The following IL1RAPL2 variants were observed in gnomAD, a reference collection of about 807,000 sequenced individuals.
IL1RAPL2 encodes the protein X-linked interleukin-1 receptor accessory protein-like 2.
IL1RAPL2 carries 3 observed loss-of-function variants against 44.1 expected under a neutral mutation model. The ratio of observed to expected loss-of-function variants is 0.07; its 90% CI spans 0.03 to 0.18. IL1RAPL2 has a LOEUF of 0.18. Among genes scored for constraint, IL1RAPL2 ranks in the 10% least tolerant of loss-of-function variants. The pLI is 1.00. For missense variants in IL1RAPL2, 391 were observed against 496.4 expected, an observed-to-expected ratio of 0.79 and a Z score of 2.02; for synonymous variants, 181 against 178.8, an observed-to-expected ratio of 1.01 and a Z score of -0.10.
intron 5 of IL1RAPL2, among the ~76,000 whole-genome samples, chrX:105,390,910 A>G (rs1189775761): frequency 9.0e-6 from 1 of 111,550 alleles, no homozygotes; most frequent in Non-Finnish European, 1.9e-5. Flanking sequence ...AGTTATAAAA[A>G]TTAATAAGAA....
chrX:105,074,571 T>C (rs1369042495), intron 2 of IL1RAPL2, among the ~76,000 whole-genome samples: 1 of 108,535 alleles, frequency 9.2e-6, no homozygotes, highest in Non-Finnish European at 1.9e-5. Context: ...TTTCCAATTC[T>C]GTGAAGAAAG....
intron 2 of IL1RAPL2, among the ~76,000 whole-genome samples, chrX:104,910,499 C>G (rs776769333): frequency 8.9e-6 from 1 of 111,857 alleles, no homozygotes; most frequent in East Asian, 2.8e-4. Flanking sequence ...GGTATTTCTT[C>G]TAATGCTATC....
In IL1RAPL2 at chrX:105,236,517, TAGA is replaced by T. The variant is rs782381804; in HGVS notation, c.543+2519_543+2521del. Among the ~76,000 whole-genome samples the T allele has an allele frequency of 7.1e-5, 8 of 112,179 alleles. No homozygotes were observed. The East Asian group carries it at 1.7e-3, about 24-fold the overall frequency. The stretch of plus-strand genomic sequence containing the variant: ...ATAAGGTAATATTATCTCTATTTTA[TAGA>T]AGAAGTGACTGGAGACTCAGACAAG... On this transcript the variant is annotated intron_variant, in intron 4 of 10. Coordinates refer to ENST00000372582, the MANE Select transcript of IL1RAPL2 (RefSeq NM_017416.2).
At chrX:105,593,232 A>G (rs1163469723) in intron 6 of IL1RAPL2, among the ~76,000 whole-genome samples, 2 of 111,621 alleles carry the variant, frequency 1.8e-5, no homozygotes, top group African/African-American at 6.5e-5. Context: ...TGCTGTTAAT[A>G]TTTGTGACTG....
chrX:105,399,589 A>G (rs2147734540), intron 5 of IL1RAPL2, among the ~76,000 whole-genome samples: 1 of 111,343 alleles, frequency 9.0e-6, no homozygotes, highest in Non-Finnish European at 1.9e-5. Context: ...TCTGGCATAT[A>G]ATAAAATATT....
chrX:105,352,604 C>T (rs1170099761), intron 5 of IL1RAPL2, among the ~76,000 whole-genome samples: 1 of 109,560 alleles, frequency 9.1e-6, no homozygotes, highest in Non-Finnish European at 1.9e-5. Flanking sequence ...TGTTTCCTGA[C>T]TTTTTAATGA....
intron 2 of IL1RAPL2, among the ~76,000 whole-genome samples, chrX:104,949,321 T>G (rs1224788899): frequency 9.0e-6 from 1 of 111,627 alleles, no homozygotes; most frequent in Non-Finnish European, 1.9e-5. Flanking sequence ...TTTTCTTTAT[T>G]AGTCTTGCTA....
chrX:105,489,580 C>T (rs2036294323), intron 6 of IL1RAPL2, among the ~76,000 whole-genome samples: 1 of 111,316 alleles, frequency 9.0e-6, no homozygotes, highest in Admixed American at 9.5e-5. Flanking sequence ...GATCTGCTAT[C>T]TAATTTTAAT....
intron 4 of IL1RAPL2, among the ~76,000 whole-genome samples, chrX:105,243,771 A>G (rs2034196169): frequency 1.8e-5 from 2 of 109,743 alleles, no homozygotes; most frequent in South Asian, 7.7e-4. Context: ...CAAAGCATGC[A>G]TTGTATGCCT....
chrX:105,305,535 A>G (rs780074765), intron 5 of IL1RAPL2, among the ~76,000 whole-genome samples: 7 of 108,210 alleles, frequency 6.5e-5, no homozygotes, highest in African/African-American at 1.0e-4. Context: ...CCCTCCCCCA[A>G]CTTTCTCTCT....
intron 1 of IL1RAPL2, among the ~76,000 whole-genome samples, chrX:104,628,762 T>A (rs1929571150): frequency 8.9e-6 from 1 of 112,134 alleles, no homozygotes; most frequent in Non-Finnish European, 1.9e-5. Flanking sequence ...ACCAAGGGTA[T>A]AAGAGTTCTG....
rs192195712 is a variant in IL1RAPL2, at chrX:104,639,428, T to C, written c.-19-19467T>C. ...AAGCTTCATTCTTTTATATTCAAGA[T>C]TATTATTGATCTGTGAGGCTTTTCT... is the stretch of plus-strand genomic sequence containing the variant. On this transcript the variant is annotated intron_variant, in intron 1 of 10. Transcript: ENST00000372582. Among the ~76,000 whole-genome samples, 160 of 112,136 alleles carry C rather than the reference T, an allele frequency of 1.4e-3. 1 individual carries two copies. Among genetic ancestry groups the C allele is most frequent in the African/African-American group, 4.9e-3 (152 of 30,934 alleles).
At chrX:105,189,677 ATAAT>A (rs1176685964) in intron 2 of IL1RAPL2, among the ~76,000 whole-genome samples, 3 of 112,123 alleles carry the variant, frequency 2.7e-5, no homozygotes, top group Admixed American at 1.9e-4. Flanking sequence ...TGAATTATTA[ATAAT>A]TAATTACTCT....
chrX:105,667,597 T>C, intron 6 of IL1RAPL2, among the ~76,000 whole-genome samples: 1 of 111,797 alleles, frequency 8.9e-6, no homozygotes, highest in Non-Finnish European at 1.9e-5. Context: ...CAAGTAGAAT[T>C]TTTTTGCCAT....
chrX:105,032,506 G>A (rs1034107893), intron 2 of IL1RAPL2, among the ~76,000 whole-genome samples: 4 of 111,574 alleles, frequency 3.6e-5, no homozygotes, highest in Non-Finnish European at 7.5e-5. Flanking sequence ...TCCGGAGCAG[G>A]TTGTTCACTT....
At chrX:104,595,002 A>G (rs1163492353) in intron 1 of IL1RAPL2, among the ~76,000 whole-genome samples, 5 of 112,093 alleles carry the variant, frequency 4.5e-5, no homozygotes, top group Non-Finnish European at 7.5e-5. Context: ...AATGGGAATG[A>G]CAAACCGTCG....
chrX:105,157,107 C>CAA (rs1294362653), intron 2 of IL1RAPL2, among the ~76,000 whole-genome samples: 9 of 34,972 alleles, frequency 2.6e-4, no homozygotes, highest in East Asian at 9.0e-4. Flanking sequence ...TTCGAGTTAG[C>CAA]AAAAAAAAAA....
At chrX:104,601,756 G>T (rs920846860) in intron 1 of IL1RAPL2, among the ~76,000 whole-genome samples, 3 of 111,976 alleles carry the variant, frequency 2.7e-5, no homozygotes, top group African/African-American at 9.7e-5. Flanking sequence ...ACAACAGGTT[G>T]CAGAGAAAAC....
chrX:105,736,164 T>G (rs752212546), intron 7 of IL1RAPL2, among the ~76,000 whole-genome samples: 24 of 111,399 alleles, frequency 2.2e-4, no homozygotes, highest in African/African-American at 6.2e-4. Context: ...GATTATTGGG[T>G]AGCCATACAC....
Sources: allele counts gnomAD v4.1 joint callset (sites outside exome capture counted in the v4.1 genomes callset), GRCh38; gene constraint gnomAD v4.1.1; transcripts MANE v1.5; gene names NCBI Gene and HGNC (gene_info 2026-07-23, HGNC 2026-07-21).